The following PCCB variants were observed in gnomAD, a reference collection of about 807,000 sequenced individuals.
The protein encoded by PCCB is propionyl-CoA carboxylase subunit beta.
Under a neutral mutation model 60.7 loss-of-function variants are expected in PCCB, and 43 were observed. The observed-to-expected ratio is 0.71, with a 90% confidence interval of 0.55 to 0.91. The LOEUF (loss-of-function observed/expected upper bound fraction) is 0.91. PCCB is among the 40% of genes least tolerant of loss of function. The probability of loss-of-function intolerance (pLI) is 0.00; values close to 1 mark genes in which losing one functional copy is unlikely to be tolerated. For missense variants in PCCB, 766 were observed against 702.8 expected, an observed-to-expected ratio of 1.09 and a Z score of -1.02; for synonymous variants, 276 against 255.9, an observed-to-expected ratio of 1.08 and a Z score of -0.75.
At chr3:136,313,863 A>G (rs1451816780) in intron 9 of PCCB, among the ~76,000 whole-genome samples, 1 of 152,176 alleles carries the variant, frequency 6.6e-6, no homozygotes, top group Non-Finnish European at 1.5e-5. Flanking sequence ...AAATAAGTAC[A>G]TTTTGAGGGT....
chr3:136,328,290 G>A (rs969539211), intron 13 of PCCB, among the ~76,000 whole-genome samples: 3 of 152,176 alleles, frequency 2.0e-5, no homozygotes, highest in Admixed American at 6.5e-5. Flanking sequence ...GCTCTGACTT[G>A]AAGGCCAATC....
intron 10 of PCCB, chr3:136,326,430 C>T (rs1935312792): frequency 1.4e-6 from 1 of 702,052 alleles, no homozygotes; most frequent in South Asian, 1.5e-5. Context: ...CTCAAGGGCA[C>T]GTTGCCATCA....
chr3:136,302,040 C>T (rs949262621), intron 9 of PCCB, among the ~76,000 whole-genome samples: 17 of 152,200 alleles, frequency 1.1e-4, no homozygotes, highest in Non-Finnish European at 2.1e-4. Flanking sequence ...AGCAGGAGAG[C>T]CTCGCAACAG....
At chr3:136,322,184 A>G (rs1188535343) in intron 10 of PCCB, among the ~76,000 whole-genome samples, 1 of 152,004 alleles carries the variant, frequency 6.6e-6, no homozygotes, top group Non-Finnish European at 1.5e-5. Flanking sequence ...TGTATTTTGG[A>G]TTTTGTTACA....
rs1244978249 is a variant in PCCB at position 136,301,123 on chromosome 3, A to G, written c.966+12A>G. 6.2e-7 allele frequency: 1 copy of G among 1,605,390 alleles called. No homozygotes were observed. The highest frequency in any genetic ancestry group is 1.1e-5 in the South Asian group (1 of 90,938). ...ACATCATACACTCTGTAAGTGCCAC[A>G]TCTGTTTGTCTTGCCTGTCCTAGTC... On this transcript the variant is annotated intron_variant, in intron 9 of 14. Transcript: ENST00000251654.
At position 136,260,508 on chromosome 3, in the gene PCCB, A is replaced by G. The variant is rs200988668; in HGVS notation, c.402A>G (p.Ser134=). ...QDFTVFGGSL[S]GAHAQKICKI... ...TTACAGTTTTTGGAGGCAGTCTGTCAGGAGCACATGCCCAAAAGATCTGCA... is the reference window on the plus strand; with the variant it reads ...TTACAGTTTTTGGAGGCAGTCTGTCGGGAGCACATGCCCAAAAGATCTGCA... Residue 134 remains serine, a synonymous_variant, in exon 4 of 15, where the codon TCA becomes TCG. Transcript: ENST00000251654. 11 of 1,613,614 alleles carry G rather than the reference A, an allele frequency of 6.8e-6. No homozygotes were observed. In the Admixed American group the frequency reaches 1.5e-4, roughly 22 times the overall value.
At chr3:136,252,807 T>TA (rs1332000330) in intron 1 of PCCB, among the ~76,000 whole-genome samples, 2 of 151,624 alleles carry the variant, frequency 1.3e-5, no homozygotes, top group Non-Finnish European at 2.9e-5. Context: ...CTGGTCAGTA[T>TA]AAATATATTT....
chr3:136,288,999 A>C (rs749374888), intron 6 of PCCB, among the ~76,000 whole-genome samples: 1 of 151,950 alleles, frequency 6.6e-6, no homozygotes, highest in Non-Finnish European at 1.5e-5. Flanking sequence ...ACAGGGTTTC[A>C]CCATGTTGGC....
chr3:136,255,038 G>A (rs563125801), intron 1 of PCCB, among the ~76,000 whole-genome samples: 1 of 151,990 alleles, frequency 6.6e-6, no homozygotes, highest in African/African-American at 2.4e-5. Context: ...CACCACACCC[G>A]GCTTATTTTG....
intron 1 of PCCB, among the ~76,000 whole-genome samples, chr3:136,252,063 G>A (rs1310014115): frequency 1.3e-5 from 2 of 151,602 alleles, no homozygotes; most frequent in African/African-American, 4.9e-5. Context: ...TGTATTTTTA[G>A]CAGAGACAGG....
At chr3:136,317,647 TC>T (rs575803989) in intron 10 of PCCB, among the ~76,000 whole-genome samples, 61 of 152,210 alleles carry the variant, frequency 4.0e-4, no homozygotes, top group Middle Eastern at 3.4e-3. Context: ...AGTTTTCTGT[TC>T]CCCCCTACCC....
intron 1 of PCCB, 197 bp from the exon 2 acceptor site, chr3:136,255,659 A>G (rs1941652152): frequency 6.5e-6 from 4 of 611,210 alleles, no homozygotes; most frequent in African/African-American, 1.8e-5. Flanking sequence ...TCTGGCGCAC[A>G]CTGTCTGTCC....
chr3:136,268,085 T>TAGATATAG (rs1942063634), intron 5 of PCCB, among the ~76,000 whole-genome samples: 1 of 93,596 alleles, frequency 1.1e-5, no homozygotes, highest in African/African-American at 6.0e-5. Context: ...TGTGTGTGTG[T>TAGATATAG]AGATATATAT....
chr3:136,261,470 AT>A (rs926044141), intron 4 of PCCB, among the ~76,000 whole-genome samples: 2 of 152,234 alleles, frequency 1.3e-5, no homozygotes, highest in Non-Finnish European at 2.9e-5. Flanking sequence ...AATATTGCTT[AT>A]TATGCTGTCG....
intron 10 of PCCB, 127 bp from the exon 11 acceptor site, chr3:136,326,676 C>T (rs868811649): frequency 1.4e-4 from 106 of 766,076 alleles, no homozygotes; most frequent in Middle Eastern, 6.4e-4. Flanking sequence ...TGTTACCATT[C>T]TGCAACAAAG....
At chr3:136,268,049 AGT>A (rs1181482923) in intron 5 of PCCB, among the ~76,000 whole-genome samples, 2 of 83,932 alleles carry the variant, frequency 2.4e-5, no homozygotes. Context: ...AAACCTGGCT[AGT>A]GTGTGTGTGT....
rs75490702 is a variant in PCCB at position 136,264,046 on chromosome 3, A to G, written c.543+1981A>G. 9.2e-3 allele frequency among the ~76,000 whole-genome samples: 1,406 copies of G among 152,200 alleles called. 11 individuals carry two copies. Among genetic ancestry groups the G allele is most frequent in the Non-Finnish European group, 0.015 (992 of 68,022 alleles). ...AAAAAAATTCAAACTTCACAGAAAA[A>G]TGACAAGAATAGTATGGGAACTCCT... On this transcript the variant is annotated intron_variant, in intron 5 of 14. Coordinates refer to ENST00000251654, the MANE Select transcript of PCCB (RefSeq NM_000532.5).
In PCCB at chr3:136,330,070, C is replaced by A; in HGVS notation, c.*44C>A. On this transcript the variant is annotated 3_prime_UTR_variant, in exon 15 of 15. Coordinates refer to ENST00000251654, the MANE Select transcript of PCCB (RefSeq NM_000532.5). ...AACCAAGAACTGAATTACTGTCTGC[C>A]CATTCACATCCCATTCCTGCCTTTT... The A allele has an allele frequency of 6.2e-7, 1 of 1,613,084 alleles. No homozygotes were observed. Among genetic ancestry groups the A allele is most frequent in the Non-Finnish European group, 8.5e-7 (1 of 1,179,450 alleles).
intron 10 of PCCB, among the ~76,000 whole-genome samples, chr3:136,321,103 A>G (rs1467341144): frequency 6.6e-6 from 1 of 152,178 alleles, no homozygotes; most frequent in Non-Finnish European, 1.5e-5. Flanking sequence ...TCCTTTTGTT[A>G]ACATGGTGTA....
Sources: gnomAD v4.1 joint callset for allele counts (sites outside exome capture counted in the v4.1 genomes callset) on GRCh38, gnomAD v4.1.1 for gene constraint, MANE v1.5 for transcripts, NCBI Gene and HGNC (gene_info 2026-07-23, HGNC 2026-07-21) for gene names.